CADM2: variants seen among roughly 807,000 people sequenced by gnomAD.
The protein encoded by CADM2 is cell adhesion molecule 2.
A neutral mutation model predicts 49.8 loss-of-function variants in CADM2; 12 were observed. That is an observed-to-expected ratio of 0.24 (90% confidence interval 0.15 to 0.39). The LOEUF is 0.39. CADM2 is among the 10% of genes least tolerant of loss of function. The pLI is 1.00. For missense variants in CADM2, 378 were observed against 492.3 expected, an observed-to-expected ratio of 0.77 and a Z score of 2.20; for synonymous variants, 214 against 175.4, an observed-to-expected ratio of 1.22 and a Z score of -1.74.
intron 8 of CADM2, chr3:86,012,983 A>G (rs559072271): frequency 4.6e-6 from 4 of 867,884 alleles, no homozygotes; most frequent in African/African-American, 3.3e-5. Context: ...AAAAACAAAA[A>G]CAAAAACCTG....
intron 1 of CADM2, among the ~76,000 whole-genome samples, chr3:85,607,330 A>C (rs1323921986): frequency 2.0e-5 from 3 of 152,126 alleles, no homozygotes; most frequent in Non-Finnish European, 4.4e-5. Flanking sequence ...GCTCATGAAG[A>C]CAGTATGAAA....
chr3:85,076,497 G>T (rs1559648115), intron 1 of CADM2, among the ~76,000 whole-genome samples: 1 of 151,872 alleles, frequency 6.6e-6, no homozygotes, highest in Non-Finnish European at 1.5e-5. Flanking sequence ...ACAGGTGCGT[G>T]CCACCACACC....
intron 3 of CADM2, chr3:85,805,725 T>G (rs914927743): frequency 6.6e-6 from 1 of 152,332 alleles, no homozygotes; most frequent in Non-Finnish European, 1.5e-5. Flanking sequence ...CATTCCAAGT[T>G]GTACCAGAGC....
At chr3:85,217,115 A>C (rs1438772939) in intron 1 of CADM2, among the ~76,000 whole-genome samples, 2 of 151,966 alleles carry the variant, frequency 1.3e-5, no homozygotes, top group African/African-American at 4.8e-5. Flanking sequence ...AAAAGTAAGA[A>C]TTCTTAAGAA....
intron 8 of CADM2, among the ~76,000 whole-genome samples, chr3:85,989,475 A>G (rs1271604993): frequency 6.6e-6 from 1 of 152,106 alleles, no homozygotes; most frequent in Non-Finnish European, 1.5e-5. Context: ...TTGCCTTTCA[A>G]TAGGATATTC....
chr3:85,384,663 C>CAA (rs879300044), intron 1 of CADM2, among the ~76,000 whole-genome samples: 3 of 145,652 alleles, frequency 2.1e-5, no homozygotes, highest in Non-Finnish European at 4.5e-5. Flanking sequence ...AATATTTTGT[C>CAA]AAAAAAAATG....
At chr3:85,332,991 T>G (rs1170534659) in intron 1 of CADM2, among the ~76,000 whole-genome samples, 1 of 151,892 alleles carries the variant, frequency 6.6e-6, no homozygotes, top group African/African-American at 2.4e-5. Context: ...TAAGTTTTGC[T>G]TCGTGTACAA....
intron 2 of CADM2, among the ~76,000 whole-genome samples, chr3:85,788,999 C>G (rs1245915996): frequency 6.6e-6 from 1 of 152,074 alleles, no homozygotes; most frequent in Non-Finnish European, 1.5e-5. Flanking sequence ...CTAAGACCTA[C>G]TGGATGAAAT....
At chr3:85,659,790 A>G (rs972074122) in intron 1 of CADM2, among the ~76,000 whole-genome samples, 7 of 152,156 alleles carry the variant, frequency 4.6e-5, no homozygotes, top group Non-Finnish European at 1.0e-4. Context: ...TCTAAAATTC[A>G]GATTTCTAAC....
intron 1 of CADM2, among the ~76,000 whole-genome samples, chr3:85,344,033 A>G (rs960400867): frequency 2.6e-5 from 4 of 152,220 alleles, no homozygotes; most frequent in Non-Finnish European, 4.4e-5. Context: ...TAGGAGTTAC[A>G]TAACAGTAAA....
At chr3:85,476,632 C>T (rs1029825623) in intron 1 of CADM2, among the ~76,000 whole-genome samples, 11 of 151,750 alleles carry the variant, frequency 7.2e-5, no homozygotes, top group African/African-American at 2.7e-4. Flanking sequence ...GCAAATTCTG[C>T]AAACCGCTCA....
intron 5 of CADM2, among the ~76,000 whole-genome samples, chr3:85,902,773 A>G (rs1002847436): frequency 6.6e-6 from 1 of 151,662 alleles, no homozygotes; most frequent in African/African-American, 2.4e-5. Context: ...ACTTATCAGA[A>G]TCTAAATCAG....
At chr3:85,865,017 C>T (rs1326251567) in intron 3 of CADM2, among the ~76,000 whole-genome samples, 1 of 152,190 alleles carries the variant, frequency 6.6e-6, no homozygotes. Flanking sequence ...CTTTTTAAAT[C>T]AAGACATTTT....
At chr3:85,209,248 G>A (rs551622789) in intron 1 of CADM2, among the ~76,000 whole-genome samples, 5 of 152,152 alleles carry the variant, frequency 3.3e-5, no homozygotes, top group African/African-American at 7.2e-5. Flanking sequence ...TTTTAAATAC[G>A]TTGGTTCAGA....
At chr3:85,598,886 A>G (rs2063322064) in intron 1 of CADM2, among the ~76,000 whole-genome samples, 1 of 151,788 alleles carries the variant, frequency 6.6e-6, no homozygotes, top group Non-Finnish European at 1.5e-5. Flanking sequence ...TTTATTATAC[A>G]CACATAGACA....
At chr3:85,519,464 T>A (rs113288465) in intron 1 of CADM2, among the ~76,000 whole-genome samples, 6 of 152,264 alleles carry the variant, frequency 3.9e-5, no homozygotes, top group African/African-American at 1.4e-4. Flanking sequence ...TTATATAACC[T>A]GGTTCTTCCA....
At chr3:85,847,055 A>G (rs1462693343) in intron 3 of CADM2, among the ~76,000 whole-genome samples, 4 of 152,138 alleles carry the variant, frequency 2.6e-5, no homozygotes, top group African/African-American at 9.7e-5. Context: ...AGTGTTTTCC[A>G]TACCAGCACC....
intron 1 of CADM2, 56 bp from the exon 2 acceptor site, chr3:85,726,466 C>T (rs200290004): frequency 3.1e-5 from 50 of 1,590,386 alleles, no homozygotes; most frequent in South Asian, 7.8e-5. Flanking sequence ...ACTAGAGAAT[C>T]TGTCTAATAT....
At chr3:85,066,870 G>C (rs1232775378) in intron 1 of CADM2, among the ~76,000 whole-genome samples, 1 of 152,124 alleles carries the variant, frequency 6.6e-6, no homozygotes, top group Admixed American at 6.6e-5. Context: ...TCCAGACGAA[G>C]CCATTCATTC....
Sources: allele counts gnomAD v4.1 joint callset (sites outside exome capture counted in the v4.1 genomes callset), GRCh38; gene constraint gnomAD v4.1.1; transcripts MANE v1.5; gene names NCBI Gene and HGNC (gene_info 2026-07-23, HGNC 2026-07-21).